The following PRTFDC1 variants were observed in gnomAD, a reference collection of about 807,000 sequenced individuals.
The protein encoded by PRTFDC1 is phosphoribosyltransferase domain-containing protein 1.
Under a neutral mutation model 34.6 loss-of-function variants are expected in PRTFDC1, and 38 were observed. The observed-to-expected ratio is 1.10, with a 90% CI of 0.85 to 1.44. The LOEUF (loss-of-function observed/expected upper bound fraction) is 1.44. Among genes scored for constraint, PRTFDC1 ranks in the 40% most tolerant of loss-of-function variants. The probability of loss-of-function intolerance (pLI) is 0.00; values close to 1 mark genes in which losing one functional copy is unlikely to be tolerated. For synonymous variants in PRTFDC1, 93 were observed against 98.1 expected (o/e 0.95, Z 0.31); for missense variants, 270 against 283.0 (o/e 0.95, Z 0.33).
chr10:24,897,839 C>A (rs1041706635), intron 3 of PRTFDC1, among the ~76,000 whole-genome samples: 1 of 152,164 alleles, frequency 6.6e-6, no homozygotes, highest in African/African-American at 2.4e-5. Context: ...CATAAGGTCT[C>A]AAAAGCTTTC....
At chr10:24,929,165 C>T (rs1020726213) in intron 3 of PRTFDC1, among the ~76,000 whole-genome samples, 3 of 151,458 alleles carry the variant, frequency 2.0e-5, no homozygotes, top group African/African-American at 7.3e-5. Context: ...CTCACTAAAA[C>T]TAAAGACACT....
At chr10:24,849,940 GAC>G in intron 8 of PRTFDC1, 49 bp from the exon 9 acceptor site, 18 of 1,580,132 alleles carry the variant, frequency 1.1e-5, no homozygotes, top group Non-Finnish European at 1.5e-5. Context: ...CAAAATATGA[GAC>G]ACAGAAAAGG....
intron 5 of PRTFDC1, among the ~76,000 whole-genome samples, chr10:24,857,922 A>G (rs568445500): frequency 2.5e-4 from 38 of 152,328 alleles, no homozygotes; most frequent in African/African-American, 9.1e-4. Flanking sequence ...AAACAAAAAA[A>G]CATAGCTTTC....
At chr10:24,915,434 C>G (rs144888842) in intron 3 of PRTFDC1, among the ~76,000 whole-genome samples, 2 of 152,276 alleles carry the variant, frequency 1.3e-5, no homozygotes, top group African/African-American at 4.8e-5. Flanking sequence ...CCATTTCTCA[C>G]ATTTGGCTTC....
rs577240405 is a variant in PRTFDC1 at position 24,851,360 on chromosome 10, C to T, written c.630+28G>A. The T allele has an allele frequency of 7.6e-5, 120 of 1,589,202 alleles. No individual in the cohort carries two copies. In the South Asian group the frequency reaches 1.2e-3, roughly 15 times the overall value. On this transcript the variant is annotated intron_variant, in intron 8 of 8. Transcript: ENST00000320152. Reference sequence around the variant, plus strand: ...AATTGTTAAGTTCTTATAAAAAGGGCGGTTAGGGATTTGCATGCAAGACTT... The same window carrying T: ...AATTGTTAAGTTCTTATAAAAAGGGTGGTTAGGGATTTGCATGCAAGACTT...
At chr10:24,894,522 G>C (rs1212434023) in intron 3 of PRTFDC1, among the ~76,000 whole-genome samples, 1 of 152,156 alleles carries the variant, frequency 6.6e-6, no homozygotes, top group African/African-American at 2.4e-5. Flanking sequence ...TGTGTAGTCA[G>C]TGGAGAAGAG....
At chr10:24,888,164 C>T (rs1040522214) in intron 3 of PRTFDC1, among the ~76,000 whole-genome samples, 11 of 152,230 alleles carry the variant, frequency 7.2e-5, no homozygotes, top group Non-Finnish European at 1.2e-4. Context: ...TGAGCCTCTG[C>T]ACCAGGCCCA....
intron 7 of PRTFDC1, among the ~76,000 whole-genome samples, chr10:24,854,890 G>C (rs3827855): frequency 0.071 from 10,793 of 152,192 alleles, 599 homozygotes; most frequent in African/African-American, 0.15. Context: ...GATGGCATAA[G>C]AATCCCTCTA....
At chr10:24,871,837 G>A (rs1253248424) in intron 4 of PRTFDC1, among the ~76,000 whole-genome samples, 161 bp downstream of exon 4, 1 of 152,132 alleles carries the variant, frequency 6.6e-6, no homozygotes, top group African/African-American at 2.4e-5. Flanking sequence ...TAAAAAGAAT[G>A]TTTTAGAAAG....
chr10:24,946,315 G>C (rs925340371), intron 1 of PRTFDC1, among the ~76,000 whole-genome samples: 9 of 151,934 alleles, frequency 5.9e-5, no homozygotes, highest in Non-Finnish European at 1.0e-4. Flanking sequence ...CTATGGATAG[G>C]GTTATTATAA....
chr10:24,926,692 A>C (rs1316724987), intron 3 of PRTFDC1, among the ~76,000 whole-genome samples: 1 of 152,052 alleles, frequency 6.6e-6, no homozygotes, highest in African/African-American at 2.4e-5. Flanking sequence ...GCTGCACTGG[A>C]CTTCAACTCA....
chr10:24,910,385 A>G (rs762050090), intron 3 of PRTFDC1, among the ~76,000 whole-genome samples: 1 of 152,210 alleles, frequency 6.6e-6, no homozygotes, highest in Non-Finnish European at 1.5e-5. Flanking sequence ...CTAACAACTG[A>G]TAGATTTTTG....
intron 3 of PRTFDC1, among the ~76,000 whole-genome samples, chr10:24,936,293 T>C (rs1367718253): frequency 6.6e-6 from 1 of 152,066 alleles, no homozygotes; most frequent in Non-Finnish European, 1.5e-5. Flanking sequence ...CAACAGCTTT[T>C]TTTTTTTGGC....
chr10:24,867,737 G>C (rs1290088665), intron 4 of PRTFDC1: 1 of 151,454 alleles, frequency 6.6e-6, no homozygotes, highest in Admixed American at 6.6e-5. Flanking sequence ...AAGGATTAGG[G>C]CTAATTATTA....
chr10:24,898,009 G>C (rs1848395504), intron 3 of PRTFDC1, among the ~76,000 whole-genome samples: 1 of 152,158 alleles, frequency 6.6e-6, no homozygotes, highest in Non-Finnish European at 1.5e-5. Context: ...AGTATGTAAA[G>C]GTGTGCATAT....
chr10:24,925,591 A>C lies in PRTFDC1; in HGVS notation c.339+11593T>G, dbSNP rs187710543. ...TTTGTATATATACATAGCATGCTTAAGTTTCATGGGACCAGCAAGCTTTCA... is the reference window on the plus strand; with the variant it reads ...TTTGTATATATACATAGCATGCTTACGTTTCATGGGACCAGCAAGCTTTCA... On this transcript the variant is annotated intron_variant, in intron 3 of 8. Transcript: ENST00000320152. Among the ~76,000 whole-genome samples the C allele has an allele frequency of 8.9e-4, 136 of 152,336 alleles. 1 individual carries two copies. In the East Asian group the frequency reaches 0.023, roughly 26 times the overall value.
At chr10:24,932,498 C>T (rs1272130440) in intron 3 of PRTFDC1, among the ~76,000 whole-genome samples, 3 of 151,778 alleles carry the variant, frequency 2.0e-5, no homozygotes, top group Non-Finnish European at 4.4e-5. Flanking sequence ...CTAAATACTA[C>T]CCATAAATAA....
intron 1 of PRTFDC1, among the ~76,000 whole-genome samples, chr10:24,950,349 G>A (rs906309351): frequency 1.3e-5 from 2 of 152,014 alleles, no homozygotes; most frequent in African/African-American, 4.8e-5. Flanking sequence ...TCCTGGTTGA[G>A]CATCCCTAAT....
At chr10:24,892,866 A>G (rs1158344879) in intron 3 of PRTFDC1, among the ~76,000 whole-genome samples, 1 of 152,190 alleles carries the variant, frequency 6.6e-6, no homozygotes, top group Non-Finnish European at 1.5e-5. Flanking sequence ...ATGGGTACAT[A>G]TTAAGGATAC....
Sources: gnomAD v4.1 joint callset for allele counts (sites outside exome capture counted in the v4.1 genomes callset) on GRCh38, gnomAD v4.1.1 for gene constraint, MANE v1.5 for transcripts, NCBI Gene and HGNC (gene_info 2026-07-23, HGNC 2026-07-21) for gene names.